EYS: variants seen among roughly 807,000 people sequenced by gnomAD.
The protein encoded by EYS is protein eyes shut homolog.
A neutral mutation model predicts 282.1 loss-of-function variants in EYS; 250 were observed. That is an observed-to-expected ratio of 0.89 (90% CI 0.80 to 0.98). The LOEUF (loss-of-function observed/expected upper bound fraction) is 0.98. Ranked by LOEUF, EYS falls within the 50% of genes least tolerant of loss-of-function variation. The pLI is 0.00. For missense variants in EYS, 4,016 were observed against 3,709.0 expected (o/e 1.08, Z -2.15); for synonymous variants, 1,355 against 1,282.9 (o/e 1.06, Z -1.20).
At chr6:64,859,296 T>C (rs1331963939) in intron 19 of EYS, among the ~76,000 whole-genome samples, 2 of 149,124 alleles carry the variant, frequency 1.3e-5, no homozygotes, top group African/African-American at 2.4e-5. Flanking sequence ...TATAAGAATA[T>C]TTAAATATTC....
chr6:63,910,331 G>A lies in EYS; in HGVS notation c.7056-45973C>T, dbSNP rs1773883891. On this transcript the variant is annotated intron_variant, in intron 35 of 42. Transcript: ENST00000503581. ...AGGGGAGGTTGGGGCTACTGATAAA[G>A]AACTTTCAGACTGAAGGGATGCTAA... is the stretch of plus-strand genomic sequence containing the variant. 2.6e-5 allele frequency among the ~76,000 whole-genome samples: 4 copies of A among 152,140 alleles called. No homozygotes were observed. In the South Asian group the frequency reaches 8.3e-4, roughly 32 times the overall value.
chr6:65,623,860 T>A (rs1474231402), intron 2 of EYS, among the ~76,000 whole-genome samples: 1 of 152,226 alleles, frequency 6.6e-6, no homozygotes, highest in Non-Finnish European at 1.5e-5. Flanking sequence ...GTCTCTCTTG[T>A]ATAACCTAGC....
intron 2 of EYS, among the ~76,000 whole-genome samples, chr6:65,518,646 T>C (rs1767231044): frequency 6.6e-6 from 1 of 152,190 alleles, no homozygotes; most frequent in Non-Finnish European, 1.5e-5. Context: ...TTCTTGTTCA[T>C]TGCTATAAAT....
At chr6:65,106,894 T>C (rs905112315) in intron 12 of EYS, among the ~76,000 whole-genome samples, 1 of 152,092 alleles carries the variant, frequency 6.6e-6, no homozygotes, top group Non-Finnish European at 1.5e-5. Flanking sequence ...CAAATATTTA[T>C]AGATAGATGG....
chr6:64,550,638 G>A (rs948229884), intron 26 of EYS, among the ~76,000 whole-genome samples: 1 of 152,114 alleles, frequency 6.6e-6, no homozygotes, highest in African/African-American at 2.4e-5. Context: ...AGGAAATAAA[G>A]GGTATTCAAT....
At chr6:65,195,700 A>G (rs1483319318) in intron 12 of EYS, among the ~76,000 whole-genome samples, 1 of 152,012 alleles carries the variant, frequency 6.6e-6, no homozygotes, top group African/African-American at 2.4e-5. Context: ...TTTACTTGTG[A>G]GCACACCATG....
At chr6:65,358,180 T>A (rs1427276418) in intron 8 of EYS, among the ~76,000 whole-genome samples, 1 of 152,018 alleles carries the variant, frequency 6.6e-6, no homozygotes, top group Admixed American at 6.6e-5. Context: ...TATTTGGAAC[T>A]GATGCTTTAA....
At chr6:65,094,362 A>G (rs1372256004) in intron 12 of EYS, among the ~76,000 whole-genome samples, 3 of 150,504 alleles carry the variant, frequency 2.0e-5, no homozygotes, top group Non-Finnish European at 4.5e-5. Context: ...AAACAATACT[A>G]TAGACCAACG....
chr6:64,680,035 C>A (rs1190407050), intron 22 of EYS, among the ~76,000 whole-genome samples: 6 of 151,860 alleles, frequency 4.0e-5, no homozygotes, highest in Admixed American at 2.0e-4. Context: ...TAAAATAATT[C>A]TTTTTTTGCA....
intron 41 of EYS, among the ~76,000 whole-genome samples, chr6:63,737,218 G>C (rs1222024559): frequency 6.8e-6 from 1 of 146,124 alleles, no homozygotes; most frequent in Non-Finnish European, 1.5e-5. Flanking sequence ...GATATTGGCT[G>C]TGGGTTTGTC....
intron 26 of EYS, among the ~76,000 whole-genome samples, chr6:64,493,725 C>T (rs139898794): frequency 2.0e-5 from 3 of 151,502 alleles, no homozygotes; most frequent in East Asian, 2.0e-4. Context: ...TGTATACATG[C>T]GCCTATCTTA....
chr6:65,544,023 TGTGTGTGAGA>T (rs1443262259), intron 2 of EYS, among the ~76,000 whole-genome samples: 2 of 135,944 alleles, frequency 1.5e-5, no homozygotes, highest in Admixed American at 7.2e-5. Context: ...TGTGTGTGTG[TGTGTGTGAGA>T]GAGAGAGAGA....
At chr6:65,528,830 A>G (rs181098431) in intron 2 of EYS, among the ~76,000 whole-genome samples, 2 of 152,352 alleles carry the variant, frequency 1.3e-5, no homozygotes, top group African/African-American at 4.8e-5. Context: ...GGAAATTTCA[A>G]TAATAAACCA....
chr6:64,879,089 T>C (rs1032567918), intron 19 of EYS, among the ~76,000 whole-genome samples: 2 of 152,206 alleles, frequency 1.3e-5, no homozygotes, highest in Non-Finnish European at 2.9e-5. Flanking sequence ...TAGCAATTTG[T>C]TGGCTTTTTT....
chr6:63,786,798 A>C (rs994823953), intron 39 of EYS, among the ~76,000 whole-genome samples: 1 of 152,144 alleles, frequency 6.6e-6, no homozygotes, highest in African/African-American at 2.4e-5. Context: ...ATTTCAATTC[A>C]ATAGTTCTTG....
chr6:64,443,071 C>T (rs1775002666), intron 26 of EYS, among the ~76,000 whole-genome samples: 1 of 152,168 alleles, frequency 6.6e-6, no homozygotes, highest in Non-Finnish European at 1.5e-5. Context: ...CGAAGGCAGC[C>T]AGGAGAGAAG....
At chr6:64,717,873 A>C (rs1771450095) in intron 22 of EYS, among the ~76,000 whole-genome samples, 1 of 152,188 alleles carries the variant, frequency 6.6e-6, no homozygotes, top group African/African-American at 2.4e-5. Context: ...AAGCCTTTAG[A>C]AAGATTATGA....
chr6:64,132,752 A>AT (rs1343012266), intron 31 of EYS, among the ~76,000 whole-genome samples: 2 of 151,970 alleles, frequency 1.3e-5, no homozygotes, highest in African/African-American at 4.8e-5. Flanking sequence ...GTTTTTAAAA[A>AT]TTTTTATACT....
At chr6:64,041,170 A>ACAGAAAGGATCCT (rs1770371651) in intron 33 of EYS, among the ~76,000 whole-genome samples, 2 of 152,052 alleles carry the variant, frequency 1.3e-5, no homozygotes, top group Non-Finnish European at 2.9e-5. Context: ...GACTCTGCTG[A>ACAGAAAGGATCCT]TTCTGACAGA....
Sources: gnomAD v4.1 joint callset for allele counts (sites outside exome capture counted in the v4.1 genomes callset) on GRCh38, gnomAD v4.1.1 for gene constraint, MANE v1.5 for transcripts, NCBI Gene and HGNC (gene_info 2026-07-23, HGNC 2026-07-21) for gene names.